The following NMNAT2 variants were observed in gnomAD, a reference collection of about 807,000 sequenced individuals.
NMNAT2 encodes the protein nicotinamide nucleotide adenylyltransferase 2.
In NMNAT2, 11 loss-of-function variants were observed where a neutral mutation model predicts 41.6. The ratio of observed to expected loss-of-function variants is 0.26; its 90% CI spans 0.17 to 0.44. The LOEUF is 0.44. Ranked by LOEUF, NMNAT2 falls within the 20% of genes least tolerant of loss-of-function variation. The pLI, the probability that NMNAT2 is intolerant of heterozygous loss-of-function variation, is 1.00. For missense variants in NMNAT2, 288 were observed against 407.7 expected, an observed-to-expected ratio of 0.71 and a Z score of 2.53; for synonymous variants, 148 against 151.2, an observed-to-expected ratio of 0.98 and a Z score of 0.16.
At chr1:183,369,221 A>T (rs980638580) in intron 1 of NMNAT2, among the ~76,000 whole-genome samples, 6 of 151,564 alleles carry the variant, frequency 4.0e-5, no homozygotes, top group Non-Finnish European at 5.9e-5. Flanking sequence ...CGCCTCCCCA[A>T]ATCCTTTGAG....
chr1:183,265,478 G>T (rs1192909631), intron 8 of NMNAT2, among the ~76,000 whole-genome samples: 1 of 151,784 alleles, frequency 6.6e-6, no homozygotes, highest in African/African-American at 2.4e-5. Flanking sequence ...TGTTGGTTAG[G>T]CTGGTCTCAA....
intron 1 of NMNAT2, among the ~76,000 whole-genome samples, chr1:183,347,614 C>T (rs1662960903): frequency 6.6e-6 from 1 of 152,190 alleles, no homozygotes; most frequent in South Asian, 2.1e-4. Flanking sequence ...TAGTACAATA[C>T]TACCCTTGTG....
chr1:183,286,580 G>A (rs1241063512), intron 5 of NMNAT2, 82 bp downstream of exon 5: 1 of 1,233,918 alleles, frequency 8.1e-7, no homozygotes, highest in Non-Finnish European at 1.1e-6. Context: ...ATCAAGTTCT[G>A]GGTGGATCCC....
chr1:183,323,193 A>G (rs1483609840), intron 1 of NMNAT2, among the ~76,000 whole-genome samples: 1 of 152,116 alleles, frequency 6.6e-6, no homozygotes, highest in East Asian at 1.9e-4. Flanking sequence ...CAGTCTCCCA[A>G]AGTGCTGGGA....
At chr1:183,353,316 C>T (rs986116483) in intron 1 of NMNAT2, among the ~76,000 whole-genome samples, 1 of 152,148 alleles carries the variant, frequency 6.6e-6, no homozygotes, top group African/African-American at 2.4e-5. Flanking sequence ...CTGAATACAA[C>T]CTCTTAAAAA....
At chr1:183,358,315 G>A (rs1351900131) in intron 1 of NMNAT2, among the ~76,000 whole-genome samples, 1 of 152,108 alleles carries the variant, frequency 6.6e-6, no homozygotes, top group Non-Finnish European at 1.5e-5. Flanking sequence ...AATAACTAAT[G>A]GGCTTAATAT....
intron 6 of NMNAT2, 32 bp from the exon 7 acceptor site, chr1:183,284,071 G>T: frequency 6.3e-7 from 1 of 1,599,042 alleles, no homozygotes; most frequent in South Asian, 1.1e-5. Flanking sequence ...TAGGGCATTA[G>T]GGAACAGGCT....
intron 4 of NMNAT2, 75 bp downstream of exon 4, chr1:183,290,053 T>G (rs776614827): frequency 1.6e-6 from 2 of 1,216,316 alleles, no homozygotes; most frequent in Non-Finnish European, 1.2e-6. Context: ...TCTCCCTGCC[T>G]GGTTTCTGTG....
chr1:183,292,710 C>T (rs949147172), intron 3 of NMNAT2, 80 bp downstream of exon 3: 25 of 1,319,360 alleles, frequency 1.9e-5, no homozygotes, highest in African/African-American at 2.9e-5. Flanking sequence ...CAAATTACTG[C>T]TGGAACTCTT....
chr1:183,263,397 C>G (rs1660712604), intron 8 of NMNAT2, among the ~76,000 whole-genome samples: 1 of 152,192 alleles, frequency 6.6e-6, no homozygotes, highest in South Asian at 2.1e-4. Context: ...CTCCTTCTGC[C>G]ATGGCATTTA....
chr1:183,349,587 C>T (rs987747947), intron 1 of NMNAT2, among the ~76,000 whole-genome samples: 6 of 152,260 alleles, frequency 3.9e-5, no homozygotes, highest in South Asian at 2.1e-4. Flanking sequence ...GCAAGAGCTG[C>T]GTCTTTGCAT....
intron 1 of NMNAT2, among the ~76,000 whole-genome samples, chr1:183,353,534 G>A (rs1394716603): frequency 6.6e-6 from 1 of 152,108 alleles, no homozygotes; most frequent in African/African-American, 2.4e-5. Context: ...AGCAGACCAG[G>A]GGAAAGACAC....
chr1:183,394,456 AT>A (rs1356501249), intron 1 of NMNAT2, among the ~76,000 whole-genome samples: 2 of 152,234 alleles, frequency 1.3e-5, no homozygotes, highest in African/African-American at 2.4e-5. Flanking sequence ...AAGCAAATTA[AT>A]GACTTCTTTT....
chr1:183,334,433 CT>C (rs1186010601), intron 1 of NMNAT2, among the ~76,000 whole-genome samples: 1 of 152,126 alleles, frequency 6.6e-6, no homozygotes. Context: ...CCAGATTCAA[CT>C]AAGTTTATTT....
At chr1:183,386,005 A>G (rs937351248) in intron 1 of NMNAT2, among the ~76,000 whole-genome samples, 3 of 152,166 alleles carry the variant, frequency 2.0e-5, no homozygotes, top group Admixed American at 6.5e-5. Flanking sequence ...CTGGGCCACA[A>G]TGTCAGGGAA....
At chr1:183,379,958 C>A (rs1345582977) in intron 1 of NMNAT2, among the ~76,000 whole-genome samples, 1 of 152,202 alleles carries the variant, frequency 6.6e-6, no homozygotes, top group Non-Finnish European at 1.5e-5. Flanking sequence ...ATACTTTAGT[C>A]CTTCATGGAA....
intron 1 of NMNAT2, 83 bp from the exon 2 acceptor site, chr1:183,293,876 T>TGGG: frequency 1.1e-6 from 1 of 935,990 alleles, no homozygotes; most frequent in African/African-American, 1.6e-5. Flanking sequence ...CGCTCAGCTC[T>TGGG]GTAATGCTGG....
In NMNAT2 at chr1:183,389,871, AAGGGAGGGAGGGAGGG is replaced by A. The variant is rs879319861; in HGVS notation, c.85+28296_85+28311del. On this transcript the variant is annotated intron_variant, in intron 1 of 10. Coordinates refer to ENST00000287713, the MANE Select transcript of NMNAT2 (RefSeq NM_015039.4). Reference sequence around the variant, plus strand: ...AAAAAAGAGAAAGAAAGAAAGAAAGAAGGGAGGGAGGGAGGGAGGGAGGGAGGGAAGGAAGGAAGGA... The same window carrying A: ...AAAAAAGAGAAAGAAAGAAAGAAAGAAGGGAGGGAGGGAAGGAAGGAAGGA... Among the ~76,000 whole-genome samples, 3 of 47,284 alleles carry A rather than the reference AAGGGAGGGAGGGAGGG, an allele frequency of 6.3e-5. 1 individual carries two copies. Among genetic ancestry groups the A allele is most frequent in the Non-Finnish European group, 9.9e-5 (2 of 20,278 alleles). 31.0% of individuals were successfully genotyped at this position (47,284 alleles called of 152,430 possible).
intron 8 of NMNAT2, among the ~76,000 whole-genome samples, chr1:183,268,931 G>A (rs1436031939): frequency 6.6e-6 from 1 of 152,094 alleles, no homozygotes; most frequent in Non-Finnish European, 1.5e-5. Context: ...ACGTGCCTGA[G>A]TCCCAGCTAC....
Sources: gnomAD v4.1 joint callset for allele counts (sites outside exome capture counted in the v4.1 genomes callset) on GRCh38, gnomAD v4.1.1 for gene constraint, MANE v1.5 for transcripts, NCBI Gene and HGNC (gene_info 2026-07-23, HGNC 2026-07-21) for gene names.